SHC1: variants seen among roughly 807,000 people sequenced by gnomAD.
The protein encoded by SHC1 is SHC-transforming protein 1.
A neutral mutation model predicts 55.9 loss-of-function variants in SHC1; 30 were observed. That is an observed-to-expected ratio of 0.54 (90% confidence interval 0.40 to 0.73). The LOEUF is 0.73. Ranked by LOEUF, SHC1 falls within the 30% of genes least tolerant of loss-of-function variation. The probability of loss-of-function intolerance (pLI) is 0.00; values close to 1 mark genes in which losing one functional copy is unlikely to be tolerated. For synonymous variants in SHC1, 309 were observed against 306.1 expected, an observed-to-expected ratio of 1.01 and a Z score of -0.10; for missense variants, 675 against 777.1, an observed-to-expected ratio of 0.87 and a Z score of 1.56.
At position 154,962,340 on chromosome 1, in the gene SHC1, TAA is replaced by T. The variant is rs1021209344; in HGVS notation, c.*1461_*1462del. On this transcript the variant is annotated 3_prime_UTR_variant, in exon 12 of 12. Transcript: ENST00000448116. The stretch of plus-strand genomic sequence containing the variant: ...TTAATGAAGAGTTTTCCCTTTGGTA[TAA>T]GTGAGACCCGTGGAAACATCCAAAC... 3.3e-5 allele frequency: 5 copies of T among 152,786 alleles called. No individual in the cohort carries two copies. Among genetic ancestry groups the T allele is most frequent in the African/African-American group, 1.2e-4 (5 of 41,452 alleles). The allele number at this position is 152,786 out of a possible 1,614,324, so 9.5% of individuals were successfully genotyped here.
At position 154,970,033 on chromosome 1, in the gene SHC1, C is replaced by A; in HGVS notation, c.494G>T (p.Arg165Leu). The A allele has an allele frequency of 1.2e-6, 2 of 1,613,784 alleles. No individual in the cohort carries two copies. The highest frequency in any genetic ancestry group is 1.7e-6 in the Non-Finnish European group (2 of 1,179,922). Residue 165 changes from arginine to leucine, a missense_variant and splice_region_variant, in exon 1 of 12, where the codon CGG (arginine) becomes CTG (leucine). Physicochemically the swap from Arg to Leu is moderately radical, Grantham distance 102. Transcript: ENST00000448116. The surrounding 1 kb of genome is among the most constrained non-coding windows in gnomAD (Gnocchi z 5.5). The part of the protein sequence containing the change: ...VMGPGVSYLV[R>L]YMGCVEVLQS... Reference sequence around the variant, plus strand: ...ATGGAGAGGAGGATGTTCACTCACCCGAACCAAGTAGGAAACCCCGGGTCC... The same window carrying A: ...ATGGAGAGGAGGATGTTCACTCACCAGAACCAAGTAGGAAACCCCGGGTCC...
chr1:154,966,566 G>C, intron 7 of SHC1, 49 bp from the exon 8 acceptor site: 2 of 1,315,172 alleles, frequency 1.5e-6, no homozygotes. Flanking sequence ...TGGTGGGCAG[G>C]AGGAGGGAAG....
intron 7 of SHC1, among the ~76,000 whole-genome samples, chr1:154,967,309 A>G (rs1656127276): frequency 6.6e-6 from 1 of 152,198 alleles, no homozygotes; most frequent in African/African-American, 2.4e-5. Context: ...GAAAAGAGAT[A>G]TCCTCCCAAA....
Position 154,967,975 on chromosome 1 carries a change from C to T in SHC1, c.856+5G>A, listed in dbSNP as rs1255316725. On this transcript the variant is annotated splice_donor_5th_base_variant and intron_variant, in intron 6 of 11. Transcript: ENST00000448116. ...ACCCACCCAGTGCTCCCCACCATGC[C>T]TCACCTCTCTGATTCACAGGGTCTT... 6.2e-7 allele frequency: 1 copy of T among 1,614,152 alleles called. No individual in the cohort carries two copies. The highest frequency in any genetic ancestry group is 8.5e-7 in the Non-Finnish European group (1 of 1,180,002).
At position 154,967,656 on chromosome 1, in the gene SHC1, T is replaced by TC; in HGVS notation, c.983+14dup. 1 of 1,613,240 alleles carries TC rather than the reference T, an allele frequency of 6.2e-7. No homozygotes were observed. Among genetic ancestry groups the TC allele is most frequent in the Non-Finnish European group, 8.5e-7 (1 of 1,179,460 alleles). On this transcript the variant is annotated intron_variant, in intron 7 of 11. Transcript: ENST00000448116. ...CTAATCCAAGAGCTGCTCCACACTC[T>TC]CCCCACCTGCTCACCTGTCATGAGG...
intron 1 of SHC1, 148 bp downstream of exon 1, chr1:154,969,883 CG>C (rs1656522468): frequency 4.5e-6 from 4 of 892,670 alleles, no homozygotes; most frequent in Non-Finnish European, 7.1e-6. Context: ...GCTACAGAAT[CG>C]GGGAAGGGAT....
upstream of SHC1, among the ~76,000 whole-genome samples, chr1:154,971,198 C>T (rs1656718104): frequency 6.6e-6 from 1 of 152,000 alleles, no homozygotes; most frequent in Admixed American, 6.6e-5. Flanking sequence ...CCTCTCTATG[C>T]CCGAAAGCTG....
At position 154,966,215 on chromosome 1, in the gene SHC1, A is replaced by G. The variant is rs370369292; in HGVS notation, c.1199T>C (p.Val400Ala). The change falls in exon 9 of 12, where the codon GTT becomes GCT. Residue 400 changes from valine to alanine, a missense_variant. By Grantham distance (64) the Val-to-Ala change is moderately conservative (BLOSUM62 0). Transcript: ENST00000448116. ...TTTGCGGACTTCTGGATCTCCCCCA[A>G]CAGGCTGTCCTACAGGCTGCAGGGA... The part of the protein sequence containing the change: ...LGATLPVGQP[V>A]GGDPEVRKQM... 1.4e-5 allele frequency: 23 copies of G among 1,613,884 alleles called. No individual in the cohort carries two copies. The highest frequency in any genetic ancestry group is 1.3e-4 in the Admixed American group (8 of 59,974).
At chr1:154,967,287 T>G (rs1351444580) in intron 7 of SHC1, among the ~76,000 whole-genome samples, 1 of 152,130 alleles carries the variant, frequency 6.6e-6, no homozygotes, top group East Asian at 1.9e-4. Context: ...TGGGAAAGGT[T>G]GTAATCTCAG....
intron 11 of SHC1, chr1:154,964,485 A>C (rs1261288151): frequency 2.8e-6 from 1 of 354,650 alleles, no homozygotes; most frequent in African/African-American, 2.1e-5. Flanking sequence ...TGTAGAAAAC[A>C]AACAAAAGTT....
chr1:154,969,587 C>A, intron 1 of SHC1, 139 bp from the exon 2 acceptor site: 1 of 641,252 alleles, frequency 1.6e-6, no homozygotes, highest in Non-Finnish European at 2.8e-6. Context: ...GTGGCTACAT[C>A]CCACAACCAA....
At chr1:154,969,257 TC>T in intron 2 of SHC1, 120 bp downstream of exon 2, 1 of 706,272 alleles carries the variant, frequency 1.4e-6, no homozygotes, top group Non-Finnish European at 2.5e-6. Context: ...TTTCTCTCAA[TC>T]CCCTTTACTA....
chr1:154,963,690 C>T lies in SHC1; in HGVS notation c.*113G>A. On this transcript the variant is annotated 3_prime_UTR_variant, in exon 12 of 12. Transcript: ENST00000448116. ...TGAAACCCAGAGTCCATGCTACTCC[C>T]AGCTCTGACACAAGGCCAAGCCCAC... The T allele has an allele frequency of 8.7e-7, 1 of 1,149,876 alleles. No homozygotes were observed. The highest frequency in any genetic ancestry group is 1.3e-6 in the Non-Finnish European group (1 of 796,096). 71.2% of individuals were successfully genotyped at this position (1,149,876 alleles called of 1,614,324 possible). A position where few individuals can be genotyped will look rare whatever the true frequency, so the allele number is the denominator to read the frequency against.
chr1:154,967,528 G>A lies in SHC1; in HGVS notation c.983+143C>T, dbSNP rs1018926323. ...AAAAGTCTTTCCTCCTGGGCCACAG[G>A]AAACAGAAGAATAGCAGGAAGTGGG... On this transcript the variant is annotated intron_variant, in intron 7 of 11. Coordinates refer to ENST00000448116, the MANE Select transcript of SHC1 (RefSeq NM_001130040.2). The A allele has an allele frequency of 6.5e-5, 57 of 876,496 alleles. No individual in the cohort carries two copies. The South Asian group carries it at 1.0e-3, about 16-fold the overall frequency. 54.3% of individuals were successfully genotyped at this position (876,496 alleles called of 1,614,324 possible).
At position 154,969,392 on chromosome 1, in the gene SHC1, C is replaced by T. The variant is rs1656445119; in HGVS notation, c.552G>A (p.Arg184=). ...QSMRALDFNT[R]TQVTREAISL... ...TCCCCACTAACCTGGTGACCTGAGT[C>T]CGGGTGTTGAAGTCCAGGGCACGCA... The change falls in exon 2 of 12, where the codon CGG becomes CGA. Residue 184 remains arginine, a synonymous_variant. Transcript: ENST00000448116. 1.2e-6 allele frequency: 2 copies of T among 1,610,916 alleles called. No individual in the cohort carries two copies. Among genetic ancestry groups the T allele is most frequent in the Non-Finnish European group, 1.7e-6 (2 of 1,178,064 alleles).
chr1:154,965,083 C>G lies in SHC1; in HGVS notation c.1626+460G>C, dbSNP rs577344613. On this transcript the variant is annotated intron_variant, in intron 11 of 11. Transcript: ENST00000448116. ...ACAGAGTCTCACTCTGTCACCCAGG[C>G]TGGAGTGCAGTGGTGTGATCTCAGC... 2.6e-5 allele frequency among the ~76,000 whole-genome samples: 4 copies of G among 152,300 alleles called. No individual in the cohort carries two copies. In the East Asian group the frequency reaches 7.7e-4, roughly 29 times the overall value.
rs1655464304 is a variant in SHC1 at position 154,962,656 on chromosome 1, C to A, written c.*1147G>T. The A allele has an allele frequency of 6.6e-6, 1 of 152,508 alleles. No individual in the cohort carries two copies. Among genetic ancestry groups the A allele is most frequent in the African/African-American group, 2.4e-5 (1 of 41,438 alleles). The allele number at this position is 152,508 out of a possible 1,614,324, so 9.4% of individuals were successfully genotyped here. A position where few individuals can be genotyped will look rare whatever the true frequency, so the allele number is the denominator to read the frequency against. On this transcript the variant is annotated 3_prime_UTR_variant, in exon 12 of 12. Coordinates refer to ENST00000448116, the MANE Select transcript of SHC1 (RefSeq NM_001130040.2). ...GGTATAAAAGGTGCGATCCCAGTTA[C>A]CTCACAGGCCTAGGCGAGGAAAATG...
At position 154,968,816 on chromosome 1, in the gene SHC1, C is replaced by T; in HGVS notation, c.585G>A (p.Val195=). ...TQVTREAISL[V]CEAVPGAKGA... is the part of the protein sequence containing the mutation. ...CCTTAGCACCCGGCACAGCCTCACA[C>T]ACCAGACTGATGGCCTCCCTGGGGA... Residue 195 remains valine, a synonymous_variant, in exon 3 of 12, where the codon GTG becomes GTA. Transcript: ENST00000448116. The T allele has an allele frequency of 6.2e-7, 1 of 1,614,072 alleles. No individual in the cohort carries two copies. The highest frequency in any genetic ancestry group is 8.5e-7 in the Non-Finnish European group (1 of 1,179,964).
chr1:154,965,498 ACCTTC>A, intron 11 of SHC1, 40 bp downstream of exon 11: 1 of 1,613,982 alleles, frequency 6.2e-7, no homozygotes, highest in Non-Finnish European at 8.5e-7. Flanking sequence ...AGGGTACTGT[ACCTTC>A]CTTTTTGCCA....
Sources: gnomAD v4.1 joint callset for allele counts (sites outside exome capture counted in the v4.1 genomes callset) on GRCh38, gnomAD v4.1.1 for gene constraint, Gnocchi (gnomAD v3.1) non-coding constraint, MANE v1.5 for transcripts, NCBI Gene and HGNC (gene_info 2026-07-23, HGNC 2026-07-21) for gene names.